The following CCDC88C variants were observed in gnomAD, a reference collection of about 807,000 sequenced individuals.
CCDC88C encodes protein Daple.
A neutral mutation model predicts 198.8 loss-of-function variants in CCDC88C; 131 were observed. The observed-to-expected ratio is 0.66, with a 90% CI of 0.57 to 0.76. The LOEUF (loss-of-function observed/expected upper bound fraction) is 0.76. Ranked by LOEUF, CCDC88C falls within the 30% of genes least tolerant of loss-of-function variation. The pLI is 0.00. For missense variants in CCDC88C, 2,553 were observed against 2,631.6 expected, an observed-to-expected ratio of 0.97 and a Z score of 0.65; for synonymous variants, 1,166 against 1,114.7, an observed-to-expected ratio of 1.05 and a Z score of -0.92.
At chr14:91,402,369 T>C (rs1271622884) in intron 3 of CCDC88C, among the ~76,000 whole-genome samples, 2 of 152,242 alleles carry the variant, frequency 1.3e-5, no homozygotes, top group African/African-American at 4.8e-5. Context: ...TCCTAATTTT[T>C]AGTAAACAGA....
intron 1 of CCDC88C, 73 bp downstream of exon 1, chr14:91,417,558 C>A: frequency 2.1e-6 from 3 of 1,430,168 alleles, no homozygotes; most frequent in South Asian, 2.5e-5. Flanking sequence ...CGTGTCGGGT[C>A]TGCGGCGTCC....
In CCDC88C at chr14:91,315,755, T is replaced by C. The variant is rs764156203; in HGVS notation, c.1560A>G (p.Glu520=). The C allele has an allele frequency of 6.2e-7, 1 of 1,613,472 alleles. No individual in the cohort carries two copies. The highest frequency in any genetic ancestry group is 2.2e-5 in the East Asian group (1 of 44,888). ...IEKLQTQLER[E]KQSNQDLETL... ...TCTCCAGATCTTGGTTGCTCTGCTT[T>C]TCTCTCTCCAGCTGGGTTTGTAACT... Residue 520 remains glutamate (E), a synonymous_variant, in exon 14 of 30, where the codon GAA becomes GAG. Transcript: ENST00000389857.
chr14:91,290,947 G>A (rs1207771423), intron 24 of CCDC88C, 48 bp downstream of exon 24: 3 of 1,185,172 alleles, frequency 2.5e-6, no homozygotes, highest in Non-Finnish European at 3.7e-6. Flanking sequence ...CACAGAAAAG[G>A]AAGCTTTTAA....
In CCDC88C at chr14:91,313,858, G is replaced by A. The variant is rs886916252; in HGVS notation, c.1958C>T (p.Ser653Phe). The part of the protein sequence containing the change: ...ENGRLARKVT[S>F]LETATEKVEA... ...GACTTTCTCGGTGGCTGTCTCCAGG[G>A]AGGTCACCTTCCTGGCCAGCCTCCC... is the stretch of plus-strand genomic sequence containing the variant. Residue 653 changes from serine to phenylalanine, a missense_variant, in exon 15 of 30, where the codon TCC (serine) becomes TTC (phenylalanine). Transcript: ENST00000389857. The surrounding 1 kb of genome is among the most constrained non-coding windows in gnomAD (Gnocchi z 5.2). 1.9e-6 allele frequency: 3 copies of A among 1,602,102 alleles called. No individual in the cohort carries two copies. Among genetic ancestry groups the A allele is most frequent in the Non-Finnish European group, 1.7e-6 (2 of 1,176,094 alleles).
In CCDC88C at chr14:91,339,145, AG is replaced by A; in HGVS notation, c.809+132del. 9.3e-7 allele frequency: 1 copy of A among 1,073,064 alleles called. No homozygotes were observed. The allele number at this position is 1,073,064 out of a possible 1,614,324, so 66.5% of individuals were successfully genotyped here. A position where few individuals can be genotyped will look rare whatever the true frequency, so the allele number is the denominator to read the frequency against. On this transcript the variant is annotated intron_variant, in intron 8 of 29. Coordinates refer to ENST00000389857, the MANE Select transcript of CCDC88C (RefSeq NM_001080414.4). This position sits in a 1 kb window ranked among gnomAD's most constrained non-coding sequence, Gnocchi z 5.8. Reference sequence around the variant, plus strand: ...TAGTCCGAGGTCAAAGAGTAAGCTCAGGGCAGACCCCAGCTGACTCCGGGGC... The same window carrying A: ...TAGTCCGAGGTCAAAGAGTAAGCTCAGGCAGACCCCAGCTGACTCCGGGGC...
Position 91,308,499 on chromosome 14 carries a change from AAC to A in CCDC88C, c.2865-9_2865-8del, listed in dbSNP as rs753557835. 3.6e-5 allele frequency: 58 copies of A among 1,613,498 alleles called. No homozygotes were observed. Among genetic ancestry groups the A allele is most frequent in the Non-Finnish European group, 4.5e-5 (53 of 1,179,770 alleles). On this transcript the variant is annotated splice_polypyrimidine_tract_variant and splice_region_variant and intron_variant, in intron 16 of 29. Transcript: ENST00000389857. ...CTCCAAAATCTTGTATTTTCTGGAA[AAC>A]ACAAAGATACAATAGTATCACTTAT...
intron 3 of CCDC88C, among the ~76,000 whole-genome samples, chr14:91,397,158 T>C (rs1596157634): frequency 1.3e-5 from 2 of 152,058 alleles, no homozygotes; most frequent in East Asian, 3.8e-4. Flanking sequence ...GATGTGTCAA[T>C]GTCCAGAGGT....
In CCDC88C at chr14:91,408,695, C is replaced by A; in HGVS notation, c.234G>T (p.Leu78Phe). 1 of 1,613,666 alleles carries A rather than the reference C, an allele frequency of 6.2e-7. No homozygotes were observed. Among genetic ancestry groups the A allele is most frequent in the South Asian group, 1.1e-5 (1 of 91,036 alleles). Reference protein sequence around the residue: ...NNDVNLRIQNLTILVRNIKTY... With the variant: ...NNDVNLRIQNFTILVRNIKTY... Reference sequence around the variant, plus strand: ...TCTTAATGTTTCTCACCAAGATGGTCAAATTCTGAATGCGAAGGTTCACAT... The same window carrying A: ...TCTTAATGTTTCTCACCAAGATGGTAAAATTCTGAATGCGAAGGTTCACAT... The change falls in exon 3 of 30, where the codon TTG (leucine) becomes TTT (phenylalanine). Residue 78 changes from leucine (L) to phenylalanine (F), a missense_variant. Around this residue, in one of 2 missense-constraint regions of CCDC88C, gnomAD observed 1,260 missense variants for 1,412.0 expected, o/e 0.89. Coordinates refer to ENST00000389857, the MANE Select transcript of CCDC88C (RefSeq NM_001080414.4).
intron 19 of CCDC88C, 60 bp from the exon 20 acceptor site, chr14:91,304,038 G>A: frequency 6.4e-7 from 1 of 1,562,712 alleles, no homozygotes; most frequent in South Asian, 1.1e-5. Flanking sequence ...GAGGGCTGGG[G>A]AGCAGGTCAA....
intron 3 of CCDC88C, among the ~76,000 whole-genome samples, chr14:91,389,283 G>C (rs1197533272): frequency 1.3e-5 from 2 of 152,068 alleles, no homozygotes; most frequent in Non-Finnish European, 2.9e-5. Context: ...GAGAAAAGAG[G>C]GTCATGGGCC....
At chr14:91,340,151 G>C in intron 6 of CCDC88C, 127 bp from the exon 7 acceptor site, 1 of 1,300,266 alleles carries the variant, frequency 7.7e-7, no homozygotes, top group East Asian at 2.5e-5. Context: ...ACGGTGGCCA[G>C]CAAAAGGGTG....
chr14:91,360,850 G>A (rs1392281153), intron 3 of CCDC88C, among the ~76,000 whole-genome samples: 1 of 152,170 alleles, frequency 6.6e-6, no homozygotes, highest in Non-Finnish European at 1.5e-5. Flanking sequence ...CAAATAAGGA[G>A]ATTTTAAAAT....
chr14:91,341,901 C>T (rs937870450), intron 6 of CCDC88C, among the ~76,000 whole-genome samples: 1 of 152,212 alleles, frequency 6.6e-6, no homozygotes, highest in Non-Finnish European at 1.5e-5. Context: ...TCTCCCAAGG[C>T]GGTCTTTCTG....
chr14:91,285,423 T>G (rs1234633321), intron 25 of CCDC88C: 1 of 441,796 alleles, frequency 2.3e-6, no homozygotes, highest in South Asian at 1.6e-5. Flanking sequence ...CCCAAGGACA[T>G]GTGCACGTAT....
chr14:91,290,081 G>C (rs1002168939), intron 24 of CCDC88C, among the ~76,000 whole-genome samples: 1 of 152,144 alleles, frequency 6.6e-6, no homozygotes, highest in Non-Finnish European at 1.5e-5. Flanking sequence ...AGACCAGCCT[G>C]GCCAACATGG....
intron 20 of CCDC88C, among the ~76,000 whole-genome samples, chr14:91,303,252 C>A (rs1434862222): frequency 6.6e-6 from 1 of 151,206 alleles, no homozygotes; most frequent in Non-Finnish European, 1.5e-5. Context: ...CTCCCCCGGG[C>A]CCTGCCCACT....
At chr14:91,394,829 A>C (rs551849715) in intron 3 of CCDC88C, among the ~76,000 whole-genome samples, 1 of 152,338 alleles carries the variant, frequency 6.6e-6, no homozygotes, top group Non-Finnish European at 1.5e-5. Context: ...TCGCAAGATT[A>C]ATCCAAATGA....
At chr14:91,281,337 C>T (rs1305959374) in intron 27 of CCDC88C, 120 bp downstream of exon 27, 2 of 1,555,338 alleles carry the variant, frequency 1.3e-6, no homozygotes, top group Non-Finnish European at 1.7e-6. Flanking sequence ...AATGGGTCCC[C>T]CATTTCCACC....
chr14:91,359,606 G>C, intron 4 of CCDC88C, 36 bp downstream of exon 4: 1 of 1,561,404 alleles, frequency 6.4e-7, no homozygotes, highest in Non-Finnish European at 8.7e-7. Context: ...CCTCTGGCTG[G>C]GCACCACAGG....
Sources: gnomAD v4.1 joint callset for allele counts (sites outside exome capture counted in the v4.1 genomes callset) on GRCh38, gnomAD v4.1.1 for gene constraint, gnomAD v4.1.1 regional missense constraint, Gnocchi (gnomAD v3.1) non-coding constraint, MANE v1.5 for transcripts, NCBI Gene and HGNC (gene_info 2026-07-23, HGNC 2026-07-21) for gene names.